The following CHM variants were observed in gnomAD, a reference collection of about 807,000 sequenced individuals.
CHM encodes the protein rab proteins geranylgeranyltransferase component A 1.
Under a neutral mutation model 49.0 loss-of-function variants are expected in CHM, and 10 were observed. That is an observed-to-expected ratio of 0.20 (90% CI 0.13 to 0.35). CHM has a LOEUF of 0.35. CHM is among the 10% of genes least tolerant of loss of function. CHM has a pLI of 1.00. For synonymous variants in CHM, 184 were observed against 167.5 expected, an observed-to-expected ratio of 1.10 and a Z score of -0.76; for missense variants, 455 against 478.4, an observed-to-expected ratio of 0.95 and a Z score of 0.46.
At chrX:85,969,327 C>T (rs1015744462) in intron 4 of CHM, 10 of 739,488 alleles carry the variant, frequency 1.4e-5, no homozygotes, top group South Asian at 6.9e-5. Flanking sequence ...TAACAAGCAA[C>T]GATATTTTAC....
chrX:86,014,383 A>T (rs1933202921), intron 2 of CHM, among the ~76,000 whole-genome samples: 1 of 112,503 alleles, frequency 8.9e-6, no homozygotes, highest in Non-Finnish European at 1.9e-5. Context: ...GCCTGACTAT[A>T]AACACAAACA....
intron 2 of CHM, among the ~76,000 whole-genome samples, chrX:86,018,733 C>G (rs1933410629): frequency 8.9e-6 from 1 of 112,015 alleles, no homozygotes. Context: ...CTGATACATG[C>G]AACAACCTGG....
At chrX:86,032,385 A>G (rs899553425) in intron 1 of CHM, among the ~76,000 whole-genome samples, 2 of 111,246 alleles carry the variant, frequency 1.8e-5, no homozygotes, top group African/African-American at 3.3e-5. Flanking sequence ...GGTATCAAAC[A>G]CTATACACAG....
intron 1 of CHM, among the ~76,000 whole-genome samples, chrX:86,046,199 CA>C (rs1248978564): frequency 8.9e-6 from 1 of 112,252 alleles, no homozygotes; most frequent in East Asian, 2.8e-4. Flanking sequence ...GACCTAAAAC[CA>C]AGTTTTCTCA....
At chrX:86,025,582 C>A (rs1933770918) in intron 2 of CHM, among the ~76,000 whole-genome samples, 1 of 107,057 alleles carries the variant, frequency 9.3e-6, no homozygotes, top group African/African-American at 3.4e-5. Flanking sequence ...GAGGCTGAGG[C>A]AGGAGGATAA....
At chrX:86,008,610 C>G (rs1309004828) in intron 2 of CHM, among the ~76,000 whole-genome samples, 1 of 111,596 alleles carries the variant, frequency 9.0e-6, no homozygotes, top group African/African-American at 3.3e-5. Flanking sequence ...CCTTAATAAA[C>G]AGCTATTGTA....
At chrX:85,908,431 CTAGTT>C (rs1370499587) in intron 9 of CHM, among the ~76,000 whole-genome samples, 1 of 111,463 alleles carries the variant, frequency 9.0e-6, no homozygotes, top group Non-Finnish European at 1.9e-5. Flanking sequence ...ATTTGACTTG[CTAGTT>C]TAAAGAGGAA....
intron 2 of CHM, among the ~76,000 whole-genome samples, chrX:85,993,579 A>G (rs1473330102): frequency 1.8e-5 from 2 of 112,166 alleles, no homozygotes; most frequent in Non-Finnish European, 3.8e-5. Flanking sequence ...TTCCTGGCTT[A>G]AAGATGTTTA....
chrX:85,965,125 C>T (rs892712075), intron 4 of CHM, among the ~76,000 whole-genome samples: 11 of 112,243 alleles, frequency 9.8e-5, no homozygotes, highest in African/African-American at 3.6e-4. Flanking sequence ...TCTCTAACTC[C>T]GAATTTATCA....
intron 5 of CHM, among the ~76,000 whole-genome samples, chrX:85,961,013 G>T (rs1055707628): frequency 6.3e-5 from 7 of 111,383 alleles, no homozygotes; most frequent in Non-Finnish European, 1.3e-4. Context: ...ATACATGAAT[G>T]TGTATTGTCA....
At chrX:86,015,028 G>A (rs1165326391) in intron 2 of CHM, among the ~76,000 whole-genome samples, 2 of 109,589 alleles carry the variant, frequency 1.8e-5, no homozygotes, top group Non-Finnish European at 3.8e-5. Flanking sequence ...GATTAGCTTA[G>A]AAGTTCAGTT....
Position 85,889,542 on chromosome X carries a change from G to T in CHM, c.1510+4646C>A, listed in dbSNP as rs147030392. ...AGTCAGAACGGCTATTATTAAAAAT[G>T]CAAAAAATAACAGATGCTGTCCAGG... is the stretch of plus-strand genomic sequence containing the variant. On this transcript the variant is annotated intron_variant, in intron 12 of 14. Transcript: ENST00000357749. Among the ~76,000 whole-genome samples the T allele has an allele frequency of 6.8e-3, 756 of 111,679 alleles. 12 individuals are homozygous for T. The East Asian group carries it at 0.08, about 12-fold the overall frequency.
chrX:85,908,188 T>C (rs1339491250), intron 9 of CHM, among the ~76,000 whole-genome samples: 1 of 112,296 alleles, frequency 8.9e-6, no homozygotes, highest in Non-Finnish European at 1.9e-5. Flanking sequence ...TAACAATTGT[T>C]TAAGCCAGCC....
Position 85,861,264 on chromosome X carries a change from T to C in CHM, c.*3366A>G, listed in dbSNP as rs2148107955. 1 of 112,295 alleles carries C rather than the reference T, an allele frequency of 8.9e-6. No homozygotes were observed. The highest frequency in any genetic ancestry group is 1.9e-5 in the Non-Finnish European group (1 of 53,227). The allele number at this position is 112,295 out of a possible 1,213,427, so 9.3% of individuals were successfully genotyped here. On this transcript the variant is annotated 3_prime_UTR_variant, in exon 15 of 15. Transcript: ENST00000357749. ...ATGAATAATCATATATTCATGCTTT[T>C]TGAAATATATCTGAATAAAAGACAA... is the stretch of plus-strand genomic sequence containing the variant.
Position 85,963,736 on chromosome X carries a change from T to C in CHM, c.631A>G (p.Lys211Glu). 8.3e-7 allele frequency: 1 copy of C among 1,208,024 alleles called. No individual in the cohort carries two copies. Among genetic ancestry groups the C allele is most frequent in the Non-Finnish European group, 1.1e-6 (1 of 892,048 alleles). The change falls in exon 5 of 15, where the codon AAG becomes GAG. Residue 211 changes from lysine (K) to glutamate (E), a missense_variant. Lys to Glu is a moderately conservative substitution (Grantham distance 56). Coordinates refer to ENST00000357749, the MANE Select transcript of CHM (RefSeq NM_000390.4). ...TGTGAGTAAGTAATTCTGTTTTTCTTTGGTTGCTCTGTGGTATCTTCTGCT... is the reference window on the plus strand; with the variant it reads ...TGTGAGTAAGTAATTCTGTTTTTCTCTGGTTGCTCTGTGGTATCTTCTGCT... ...PIAEDTTEQPKKNRITYSQII... is the reference protein window; with the variant it reads ...PIAEDTTEQPEKNRITYSQII...
chrX:85,943,001 A>G, intron 8 of CHM, among the ~76,000 whole-genome samples: 1 of 101,408 alleles, frequency 9.9e-6, no homozygotes, highest in East Asian at 3.2e-4. Context: ...ATGAGTGAGA[A>G]CATGCAGTGT....
chrX:85,965,138 T>C (rs1353407011), intron 4 of CHM, among the ~76,000 whole-genome samples: 1 of 112,698 alleles, frequency 8.9e-6, no homozygotes. Flanking sequence ...ATTTATCAAT[T>C]CTAATTGTCA....
intron 2 of CHM, among the ~76,000 whole-genome samples, chrX:86,003,900 A>C (rs1185144835): frequency 1.8e-5 from 2 of 111,807 alleles, no homozygotes; most frequent in African/African-American, 6.5e-5. Context: ...CAAATTCAGG[A>C]AATACAGAGA....
intron 2 of CHM, among the ~76,000 whole-genome samples, chrX:86,005,925 C>A (rs1932842574): frequency 9.0e-6 from 1 of 111,690 alleles, no homozygotes. Flanking sequence ...AGGCCAACAT[C>A]ATCCTGATAC....
Sources: allele counts gnomAD v4.1 joint callset (sites outside exome capture counted in the v4.1 genomes callset), GRCh38; gene constraint gnomAD v4.1.1; transcripts MANE v1.5; gene names NCBI Gene and HGNC (gene_info 2026-07-23, HGNC 2026-07-21).